Variants in KCNIP4 observed in about 807,000 individuals in gnomAD.
KCNIP4 encodes potassium voltage-gated channel interacting protein 4.
A neutral mutation model predicts 34.0 loss-of-function variants in KCNIP4; 12 were observed. That is an observed-to-expected ratio of 0.35 (90% CI 0.23 to 0.57). The LOEUF (loss-of-function observed/expected upper bound fraction) is 0.57, where lower values mean the gene tolerates loss of function less well. Ranked by LOEUF, KCNIP4 falls within the 20% of genes least tolerant of loss-of-function variation. KCNIP4 has a pLI of 0.83. For synonymous variants in KCNIP4, 124 were observed against 102.2 expected (o/e 1.21, Z -1.29); for missense variants, 238 against 311.7 (o/e 0.76, Z 1.78).
chr4:21,926,099 C>G lies in KCNIP4; in HGVS notation c.61+22472G>C, dbSNP rs138642139. On this transcript the variant is annotated intron_variant, in intron 1 of 8. Coordinates refer to ENST00000382152, the MANE Select transcript of KCNIP4 (RefSeq NM_025221.6). ...CAATTTAGCTGTTATTTTTAATTGA[C>G]TAAAGATAGCCATAAGATTCACTGA... 5.5e-4 allele frequency among the ~76,000 whole-genome samples: 84 copies of G among 152,288 alleles called. 1 individual carries two copies. The highest frequency in any genetic ancestry group is 2.0e-3 in the African/African-American group (82 of 41,556).
At chr4:21,483,617 AT>A (rs564897270) in intron 1 of KCNIP4, among the ~76,000 whole-genome samples, 1 of 150,890 alleles carries the variant, frequency 6.6e-6, no homozygotes, top group South Asian at 2.1e-4. Flanking sequence ...GTGAAACCCC[AT>A]CTCTACTAAA....
At chr4:21,453,828 G>A (rs1468595449) in intron 1 of KCNIP4, among the ~76,000 whole-genome samples, 1 of 152,106 alleles carries the variant, frequency 6.6e-6, no homozygotes, top group Non-Finnish European at 1.5e-5. Flanking sequence ...TGCCAGGGAA[G>A]CAGTGCTGCG....
In KCNIP4 at chr4:20,731,866, G is replaced by C. The variant is rs1046892681; in HGVS notation, c.705+140C>G. 7.7e-6 allele frequency: 11 copies of C among 1,436,302 alleles called. No individual in the cohort carries two copies. The East Asian group carries it at 2.3e-4, about 30-fold the overall frequency. The allele number at this position is 1,436,302 out of a possible 1,614,324, so 89.0% of individuals were successfully genotyped here. A position where few individuals can be genotyped will look rare whatever the true frequency, so the allele number is the denominator to read the frequency against. On this transcript the variant is annotated intron_variant, in intron 8 of 8. Coordinates refer to ENST00000382152, the MANE Select transcript of KCNIP4 (RefSeq NM_025221.6). ...TTGGTGCTTGTTTTCAGAGTGGTAGGCTTATGCTGCATGTTGTAGAAGTGG... is the reference window on the plus strand; with the variant it reads ...TTGGTGCTTGTTTTCAGAGTGGTAGCCTTATGCTGCATGTTGTAGAAGTGG...
chr4:21,255,017 C>A (rs1475953785), intron 1 of KCNIP4, among the ~76,000 whole-genome samples: 1 of 152,196 alleles, frequency 6.6e-6, no homozygotes, highest in Non-Finnish European at 1.5e-5. Context: ...GGCTATTTGA[C>A]TTCAGGTAAA....
chr4:21,303,545 C>A (rs1029818995), intron 1 of KCNIP4, among the ~76,000 whole-genome samples: 5 of 152,020 alleles, frequency 3.3e-5, no homozygotes, highest in African/African-American at 1.2e-4. Context: ...CATTACAAAC[C>A]CTTAATTACT....
chr4:21,482,771 A>G (rs182622845), intron 1 of KCNIP4, among the ~76,000 whole-genome samples: 1,845 of 152,028 alleles, frequency 0.012, 36 homozygotes, highest in African/African-American at 0.043. Flanking sequence ...AACTTTGGTG[A>G]ATCTGACAAT....
chr4:21,104,737 A>AT (rs1410925015), intron 1 of KCNIP4, among the ~76,000 whole-genome samples: 1 of 151,612 alleles, frequency 6.6e-6, no homozygotes, highest in Non-Finnish European at 1.5e-5. Flanking sequence ...GCTCTAACAT[A>AT]TAAGTCTTTA....
At chr4:20,999,359 C>A (rs1434269231) in intron 1 of KCNIP4, among the ~76,000 whole-genome samples, 1 of 149,316 alleles carries the variant, frequency 6.7e-6, no homozygotes, top group Non-Finnish European at 1.5e-5. Flanking sequence ...AAACAGGACA[C>A]AGATCACGAA....
chr4:21,458,150 C>A (rs1023764536), intron 1 of KCNIP4, among the ~76,000 whole-genome samples: 6 of 121,470 alleles, frequency 4.9e-5, no homozygotes, highest in Non-Finnish European at 8.3e-5. Flanking sequence ...CCCCTCCCCC[C>A]ACCCTACCAC....
intron 3 of KCNIP4, among the ~76,000 whole-genome samples, chr4:20,763,293 T>C (rs1355230856): frequency 2.0e-5 from 3 of 152,218 alleles, no homozygotes; most frequent in Admixed American, 1.3e-4. Flanking sequence ...AGTCAACCTG[T>C]ATAACACAGT....
At chr4:21,504,777 A>T (rs532862861) in intron 1 of KCNIP4, among the ~76,000 whole-genome samples, 1 of 152,274 alleles carries the variant, frequency 6.6e-6, no homozygotes, top group East Asian at 1.9e-4. Context: ...AAAGTCATGA[A>T]CAAAATGTAA....
At chr4:21,246,994 A>G (rs2109064131) in intron 1 of KCNIP4, among the ~76,000 whole-genome samples, 1 of 152,250 alleles carries the variant, frequency 6.6e-6, no homozygotes, top group African/African-American at 2.4e-5. Flanking sequence ...TCTTGCAAGG[A>G]TCTCAAGAGA....
chr4:21,073,979 G>C (rs944274392), intron 1 of KCNIP4, among the ~76,000 whole-genome samples: 1 of 152,164 alleles, frequency 6.6e-6, no homozygotes, highest in Non-Finnish European at 1.5e-5. Context: ...GCATCCCAGG[G>C]ATGAAGCCCA....
intron 3 of KCNIP4, among the ~76,000 whole-genome samples, chr4:20,778,397 C>T (rs1756566419): frequency 6.6e-6 from 1 of 152,244 alleles, no homozygotes; most frequent in African/African-American, 2.4e-5. Context: ...GAATTTAAAT[C>T]AAGCAATTCA....
intron 1 of KCNIP4, among the ~76,000 whole-genome samples, chr4:21,853,566 C>T (rs775387814): frequency 6.6e-6 from 1 of 152,194 alleles, no homozygotes; most frequent in Non-Finnish European, 1.5e-5. Flanking sequence ...GACCCAATCA[C>T]TTCCTAAAAC....
intron 1 of KCNIP4, among the ~76,000 whole-genome samples, chr4:21,308,335 A>G (rs1337191961): frequency 6.6e-6 from 1 of 152,200 alleles, no homozygotes; most frequent in Admixed American, 6.5e-5. Flanking sequence ...AATGATACTT[A>G]ATCTCCGTGG....
intron 1 of KCNIP4, among the ~76,000 whole-genome samples, chr4:21,147,361 C>T (rs921273298): frequency 6.6e-6 from 1 of 152,172 alleles, no homozygotes; most frequent in African/African-American, 2.4e-5. Flanking sequence ...CTTATGGTTT[C>T]CCTACAACCT....
At chr4:21,155,391 A>T (rs191954494) in intron 1 of KCNIP4, among the ~76,000 whole-genome samples, 1 of 152,344 alleles carries the variant, frequency 6.6e-6, no homozygotes, top group Admixed American at 6.5e-5. Flanking sequence ...AAGCATGTAA[A>T]TAGGAGAAAA....
rs1161884614 is a variant in KCNIP4, at chr4:20,743,844, T to C, written c.429+5818A>G. On this transcript the variant is annotated intron_variant, in intron 5 of 8. Coordinates refer to ENST00000382152, the MANE Select transcript of KCNIP4 (RefSeq NM_025221.6). ...CAGAGTGAACAGGCAACCTACAAAA[T>C]GGGAGAAAATTTTCGCAACCTACTC... Among the ~76,000 whole-genome samples, 3 of 151,110 alleles carry C rather than the reference T, an allele frequency of 2.0e-5. No homozygotes were observed. In the East Asian group the frequency reaches 5.8e-4, roughly 29 times the overall value.
Sources: gnomAD v4.1 joint callset for allele counts (sites outside exome capture counted in the v4.1 genomes callset) on GRCh38, gnomAD v4.1.1 for gene constraint, MANE v1.5 for transcripts, NCBI Gene and HGNC (gene_info 2026-07-23, HGNC 2026-07-21) for gene names.